HDLBP: variants seen among roughly 807,000 people sequenced by gnomAD.
HDLBP encodes the protein vigilin.
In HDLBP, 30 loss-of-function variants were observed where a neutral mutation model predicts 137.3. The observed-to-expected ratio is 0.22, with a 90% CI of 0.16 to 0.30. The LOEUF is 0.30. HDLBP is among the 10% of genes least tolerant of loss of function. The pLI, the probability that HDLBP is intolerant of heterozygous loss-of-function variation, is 1.00. For synonymous variants in HDLBP, 606 were observed against 596.0 expected (o/e 1.02, Z -0.24); for missense variants, 1,119 against 1,667.3 (o/e 0.67, Z 5.73).
At chr2:241,248,725 T>G (rs780169476) in intron 12 of HDLBP, among the ~76,000 whole-genome samples, 17 of 152,106 alleles carry the variant, frequency 1.1e-4, no homozygotes, top group Non-Finnish European at 2.2e-4. Flanking sequence ...CTCTTCTACT[T>G]GGAGGCCTGG....
chr2:241,246,104 C>G (rs1390798296), intron 16 of HDLBP, among the ~76,000 whole-genome samples: 1 of 152,148 alleles, frequency 6.6e-6, no homozygotes, highest in East Asian at 1.9e-4. Flanking sequence ...AACAAACCAA[C>G]AATACAGGTG....
At chr2:241,303,540 G>C (rs548192197) in intron 1 of HDLBP, among the ~76,000 whole-genome samples, 1 of 152,302 alleles carries the variant, frequency 6.6e-6, no homozygotes, top group East Asian at 1.9e-4. Flanking sequence ...TACTGAGCTT[G>C]GTCACAGAAG....
rs1002986746 is a variant in HDLBP, at chr2:241,280,403, A to G, written c.-102-11862T>C. ...CCCAGCCCTAAAATAAAGTCTCACGAAAGTTCAGATGAGACAGAAACAAAG... is the reference window on the plus strand; with the variant it reads ...CCCAGCCCTAAAATAAAGTCTCACGGAAGTTCAGATGAGACAGAAACAAAG... On this transcript the variant is annotated intron_variant, in intron 1 of 27. Coordinates refer to ENST00000310931, the MANE Select transcript of HDLBP (RefSeq NM_005336.6). Among the ~76,000 whole-genome samples, 9 of 152,372 alleles carry G rather than the reference A, an allele frequency of 5.9e-5. No homozygotes were observed. The South Asian group carries it at 1.9e-3, about 32-fold the overall frequency.
chr2:241,238,699 G>C lies in HDLBP; in HGVS notation c.2699C>G (p.Thr900Ser). The C allele has an allele frequency of 6.3e-7, 1 of 1,589,480 alleles. No individual in the cohort carries two copies. The highest frequency in any genetic ancestry group is 8.6e-7 in the Non-Finnish European group (1 of 1,162,392). Residue 900 changes from threonine (T) to serine (S), a missense_variant, in exon 20 of 28, where the codon ACT becomes AGT. Thr to Ser is a moderately conservative substitution (Grantham distance 58). Around this residue, in one of 4 missense-constraint regions of HDLBP, gnomAD observed 618 missense variants for 816.7 expected, o/e 0.76. Coordinates refer to ENST00000310931, the MANE Select transcript of HDLBP (RefSeq NM_005336.6). This position sits in a 1 kb window ranked among gnomAD's most constrained non-coding sequence, Gnocchi z 4.9. ...TTTAATTTGAACACTGAAATCCCGA[G>C]TAATCTGCTGGATTCTGGAACCTTT... ...GPKGSRIQQI[T>S]RDFSVQIKFP...
intron 1 of HDLBP, among the ~76,000 whole-genome samples, chr2:241,277,366 C>T (rs1401889627): frequency 5.3e-5 from 8 of 151,992 alleles, no homozygotes. Flanking sequence ...AAGACATATA[C>T]CACAAAGGAT....
In HDLBP at chr2:241,248,025, A is replaced by G; in HGVS notation, c.1709T>C (p.Met570Thr). Residue 570 changes from methionine to threonine, a missense_variant, in exon 14 of 28, where the codon ATG (methionine) becomes ACG (threonine). Transcript: ENST00000310931. ...KNEVEKCTKY[M>T]QKMVADLVEN... ...TACCAGATCTGCCACCATCTTCTGC[A>G]TGTATTTTGTGCATTTTTCCACCTC... 6.2e-7 allele frequency: 1 copy of G among 1,613,446 alleles called. No individual in the cohort carries two copies. The highest frequency in any genetic ancestry group is 8.5e-7 in the Non-Finnish European group (1 of 1,179,330).
At chr2:241,300,887 G>C (rs1189797886) in intron 1 of HDLBP, among the ~76,000 whole-genome samples, 1 of 151,996 alleles carries the variant, frequency 6.6e-6, no homozygotes, top group Non-Finnish European at 1.5e-5. Context: ...GATCAAAATA[G>C]AAGCCTTGTT....
At chr2:241,262,669 G>C (rs768112770) in intron 5 of HDLBP, 42 bp downstream of exon 5, 2 of 1,467,264 alleles carry the variant, frequency 1.4e-6, no homozygotes, top group Admixed American at 1.7e-5. Context: ...TAATGGAACG[G>C]GTACACAGTC....
chr2:241,244,081 A>G (rs2071488809), intron 16 of HDLBP, among the ~76,000 whole-genome samples: 1 of 152,248 alleles, frequency 6.6e-6, no homozygotes, highest in African/African-American at 2.4e-5. Context: ...TCTAGGGAAG[A>G]AAACAACATC....
intron 6 of HDLBP, 32 bp downstream of exon 6, chr2:241,256,568 G>A (rs2072632442): frequency 4.4e-6 from 7 of 1,604,754 alleles, no homozygotes; most frequent in Non-Finnish European, 6.0e-6. Flanking sequence ...AAGCAGGTAG[G>A]CAGGGGCACG....
Position 241,264,733 on chromosome 2 carries a change from C to A in HDLBP, c.77-128G>T, listed in dbSNP as rs999620073. ...CAAATGCTCCAAGGACAACTCCCCC[C>A]ACCCCTCTCTTCTAATTCATAGTGA... On this transcript the variant is annotated intron_variant, in intron 3 of 27. Coordinates refer to ENST00000310931, the MANE Select transcript of HDLBP (RefSeq NM_005336.6). 16 of 868,258 alleles carry A rather than the reference C, an allele frequency of 1.8e-5. 1 individual carries two copies. In the Middle Eastern group the frequency reaches 1.1e-3, roughly 59 times the overall value. 53.8% of individuals were successfully genotyped at this position (868,258 alleles called of 1,614,324 possible).
chr2:241,269,017 C>G (rs1034889018), intron 1 of HDLBP: 3 of 152,258 alleles, frequency 2.0e-5, no homozygotes, highest in Non-Finnish European at 2.9e-5. Flanking sequence ...CTACCGTCTT[C>G]AAGAATTCTC....
chr2:241,235,691 C>A, intron 21 of HDLBP, 97 bp from the exon 22 acceptor site: 2 of 787,122 alleles, frequency 2.5e-6, no homozygotes, highest in East Asian at 2.5e-5. Context: ...AGGCAAACAG[C>A]CCTATGACAA....
rs1431263664 is a variant in HDLBP at position 241,272,372 on chromosome 2, T to TCGGC, written c.-102-3835_-102-3832dup. On this transcript the variant is annotated intron_variant, in intron 1 of 27. Coordinates refer to ENST00000310931, the MANE Select transcript of HDLBP (RefSeq NM_005336.6). This position sits in a 1 kb window ranked among gnomAD's most constrained non-coding sequence, Gnocchi z 5.6. ...CCAACGTCAGCGACCTGGGCTCAGG[T>TCGGC]CGGCCGCCCCTCCGCGCCGTGCGGC... 1.0e-6 allele frequency: 1 copy of TCGGC among 982,000 alleles called. No individual in the cohort carries two copies. Among genetic ancestry groups the TCGGC allele is most frequent in the Non-Finnish European group, 1.2e-6 (1 of 828,974 alleles). 60.8% of individuals were successfully genotyped at this position (982,000 alleles called of 1,614,324 possible).
At chr2:241,310,388 C>T (rs539622162) in intron 1 of HDLBP, among the ~76,000 whole-genome samples, 21 of 152,082 alleles carry the variant, frequency 1.4e-4, no homozygotes, top group African/African-American at 1.9e-4. Context: ...ATAATAATGT[C>T]GATTTCAAAA....
intron 23 of HDLBP, among the ~76,000 whole-genome samples, 192 bp downstream of exon 23, chr2:241,234,925 GAGAA>G (rs944310278): frequency 3.3e-5 from 5 of 152,244 alleles, no homozygotes; most frequent in Non-Finnish European, 7.3e-5. Context: ...TTATGAAAAA[GAGAA>G]AGGTGCCATG....
chr2:241,290,406 T>C (rs1336060988), intron 1 of HDLBP, among the ~76,000 whole-genome samples: 1 of 151,732 alleles, frequency 6.6e-6, no homozygotes. Flanking sequence ...AGGTCGGGAG[T>C]TCGAGACCAG....
In HDLBP at chr2:241,239,542, C is replaced by T. The variant is rs561577315; in HGVS notation, c.2610+60G>A. The stretch of plus-strand genomic sequence containing the variant: ...ACAGGGTGGAGCGAACACTCATACA[C>T]GGCTTCGGTGAGTGGCCACTGGGGG... On this transcript the variant is annotated intron_variant, in intron 19 of 27. Transcript: ENST00000310931. The surrounding 1 kb of genome is among the most constrained non-coding windows in gnomAD (Gnocchi z 4.6). 1,109 of 1,400,038 alleles carry T rather than the reference C, an allele frequency of 7.9e-4. No homozygotes were observed. Among genetic ancestry groups the T allele is most frequent in the Middle Eastern group, 1.4e-3 (8 of 5,622 alleles). 86.7% of individuals were successfully genotyped at this position (1,400,038 alleles called of 1,614,324 possible).
intron 1 of HDLBP, among the ~76,000 whole-genome samples, chr2:241,278,602 A>G (rs2074485089): frequency 6.6e-6 from 1 of 152,068 alleles, no homozygotes; most frequent in Non-Finnish European, 1.5e-5. Flanking sequence ...AAAAATTCAA[A>G]TGAAGAATCT....
Sources: gnomAD v4.1 joint callset for allele counts (sites outside exome capture counted in the v4.1 genomes callset) on GRCh38, gnomAD v4.1.1 for gene constraint, gnomAD v4.1.1 regional missense constraint, Gnocchi (gnomAD v3.1) non-coding constraint, MANE v1.5 for transcripts, NCBI Gene and HGNC (gene_info 2026-07-23, HGNC 2026-07-21) for gene names.